The following RPS6KA2 variants were observed in gnomAD, a reference collection of about 807,000 sequenced individuals.
The protein encoded by RPS6KA2 is ribosomal protein S6 kinase alpha-2.
Under a neutral mutation model 91.8 loss-of-function variants are expected in RPS6KA2, and 42 were observed. The observed-to-expected ratio is 0.46, with a 90% confidence interval of 0.36 to 0.59. The LOEUF (loss-of-function observed/expected upper bound fraction) is 0.59. Ranked by LOEUF, RPS6KA2 falls within the 20% of genes least tolerant of loss-of-function variation. RPS6KA2 has a pLI of 0.00. For missense variants in RPS6KA2, 798 were observed against 978.5 expected, an observed-to-expected ratio of 0.82 and a Z score of 2.46; for synonymous variants, 414 against 393.6, an observed-to-expected ratio of 1.05 and a Z score of -0.61.
At chr6:166,466,966 A>G (rs1780553628) in intron 11 of RPS6KA2, among the ~76,000 whole-genome samples, 1 of 151,468 alleles carries the variant, frequency 6.6e-6, no homozygotes, top group Non-Finnish European at 1.5e-5. Context: ...TCCCTTACTC[A>G]TTCATGCACT....
At chr6:166,475,623 G>A (rs1316378372) in intron 10 of RPS6KA2, 2 of 327,532 alleles carry the variant, frequency 6.1e-6, no homozygotes, top group South Asian at 2.7e-5. Context: ...GTCAGTGGCA[G>A]TGCCATCCAC....
chr6:166,764,331 GA>G (rs1049404350), intron 2 of RPS6KA2, among the ~76,000 whole-genome samples: 5 of 152,192 alleles, frequency 3.3e-5, no homozygotes, highest in African/African-American at 1.2e-4. Context: ...GAGGCGGGAG[GA>G]AGAGTGGGAG....
intron 1 of RPS6KA2, among the ~76,000 whole-genome samples, chr6:166,562,017 G>A (rs1583281194): frequency 6.6e-6 from 1 of 152,184 alleles, no homozygotes; most frequent in Non-Finnish European, 1.5e-5. Flanking sequence ...CAGGCGGAGA[G>A]GGAGGCATTG....
intron 2 of RPS6KA2, among the ~76,000 whole-genome samples, chr6:166,700,242 T>C (rs553269584): frequency 3.3e-5 from 5 of 152,224 alleles, no homozygotes; most frequent in Non-Finnish European, 7.3e-5. Context: ...TTCTCAACTA[T>C]AAATGAAAGA....
intron 2 of RPS6KA2, among the ~76,000 whole-genome samples, chr6:166,718,690 T>A (rs1307088370): frequency 1.3e-5 from 2 of 152,190 alleles, no homozygotes; most frequent in African/African-American, 4.8e-5. Context: ...GACGTATCTG[T>A]AAATCTCACC....
chr6:166,678,111 C>T (rs114099635), intron 2 of RPS6KA2, among the ~76,000 whole-genome samples: 318 of 152,290 alleles, frequency 2.1e-3, no homozygotes, highest in African/African-American at 6.9e-3. Flanking sequence ...GTGCTGTGTT[C>T]ATACCAACAG....
intron 2 of RPS6KA2, chr6:166,702,716 C>T (rs879216430): frequency 7.7e-7 from 1 of 1,291,358 alleles, no homozygotes; most frequent in Non-Finnish European, 1.1e-6. Context: ...GGGCAGTCCA[C>T]GAACGCGTAG....
intron 10 of RPS6KA2, among the ~76,000 whole-genome samples, chr6:166,473,602 A>T (rs1006550114): frequency 6.6e-6 from 1 of 152,234 alleles, no homozygotes; most frequent in Non-Finnish European, 1.5e-5. Flanking sequence ...GTGATTCCCA[A>T]AGGGTTTTGG....
intron 2 of RPS6KA2, among the ~76,000 whole-genome samples, chr6:166,738,584 C>T (rs1292754533): frequency 6.6e-6 from 1 of 152,186 alleles, no homozygotes; most frequent in Non-Finnish European, 1.5e-5. Flanking sequence ...GCGTGTGTAA[C>T]TGTCTTACTA....
rs16899551 is a variant in RPS6KA2 at position 166,821,382 on chromosome 6, C to T, written c.123+36818G>A. On this transcript the variant is annotated intron_variant, in intron 2 of 21. Coordinates refer to the RPS6KA2 transcript ENST00000503859. This position sits in a 1 kb window ranked among gnomAD's most constrained non-coding sequence, Gnocchi z 4.1. The stretch of plus-strand genomic sequence containing the variant: ...CTTAGCAGCTCAGGCCCTGTGGGTG[C>T]GCTTCACATGCGTGGGGCTGTAGGA... Among the ~76,000 whole-genome samples the T allele has an allele frequency of 0.034, 5,108 of 152,114 alleles. 296 individuals carry two copies. The highest frequency in any genetic ancestry group is 0.12 in the African/African-American group (4,809 of 41,464).
chr6:166,851,147 G>A (rs545818318), intron 2 of RPS6KA2, among the ~76,000 whole-genome samples: 6 of 152,344 alleles, frequency 3.9e-5, no homozygotes, highest in African/African-American at 1.4e-4. Context: ...CCAGGGCTGA[G>A]GGAGGGTGCA....
rs186581903 is a variant in RPS6KA2 at position 166,440,430 on chromosome 6, C to T, written c.1333-7940G>A. 7 of 152,310 alleles carry T rather than the reference C, an allele frequency of 4.6e-5. No individual in the cohort carries two copies. In the East Asian group the frequency reaches 1.2e-3, roughly 25 times the overall value. The allele number at this position is 152,310 out of a possible 1,614,324, so 9.4% of individuals were successfully genotyped here. A position where few individuals can be genotyped will look rare whatever the true frequency, so the allele number is the denominator to read the frequency against. ...AAGCAAAAGTGCAGCTCGCTGCCAGCGCTCATTTGATTTTACATAAACATG... is the reference window on the plus strand; with the variant it reads ...AAGCAAAAGTGCAGCTCGCTGCCAGTGCTCATTTGATTTTACATAAACATG... On this transcript the variant is annotated intron_variant, in intron 14 of 20. Coordinates refer to ENST00000265678, the MANE Select transcript of RPS6KA2 (RefSeq NM_021135.6).
intron 5 of RPS6KA2, among the ~76,000 whole-genome samples, chr6:166,507,202 G>A (rs993089384): frequency 6.6e-5 from 10 of 152,050 alleles, no homozygotes; most frequent in Admixed American, 3.9e-4. Context: ...TTTCCCAGCC[G>A]CTCCTACCCA....
chr6:166,681,161 C>T (rs567309791), intron 2 of RPS6KA2, among the ~76,000 whole-genome samples: 1 of 152,178 alleles, frequency 6.6e-6, no homozygotes, highest in African/African-American at 2.4e-5. Context: ...GTGTCCACCC[C>T]ACTGCGTTTA....
At chr6:166,430,397 G>C in intron 16 of RPS6KA2, 56 bp downstream of exon 16, 1 of 1,521,026 alleles carries the variant, frequency 6.6e-7, no homozygotes. Context: ...TTGTGGTTTT[G>C]GTTCCTGCCC....
Position 166,451,124 on chromosome 6 carries a change from G to A in RPS6KA2, c.1185C>T (p.Val395=), listed in dbSNP as rs775537136. The A allele has an allele frequency of 1.1e-5, 18 of 1,614,122 alleles. No individual in the cohort carries two copies. The South Asian group carries it at 1.8e-4, about 16-fold the overall frequency. ...TTACCTGCACGATTGGGTGAACTGG[G>A]ACTTTGTGCAGATCTTGCTGTGAGG... The part of the protein sequence containing the change: ...QEPSQQDLHK[V]PVHPIVQQLH... Residue 395 remains valine (V), a synonymous_variant, in exon 13 of 21, where the codon GTC becomes GTT. Transcript: ENST00000265678.
intron 4 of RPS6KA2, among the ~76,000 whole-genome samples, chr6:166,509,069 C>A (rs1782370252): frequency 6.6e-6 from 1 of 152,182 alleles, no homozygotes; most frequent in Non-Finnish European, 1.5e-5. Flanking sequence ...AATATCCCTG[C>A]ATACTAGAAA....
chr6:166,439,615 C>T (rs1299247560), intron 14 of RPS6KA2, among the ~76,000 whole-genome samples: 1 of 152,188 alleles, frequency 6.6e-6, no homozygotes, highest in Non-Finnish European at 1.5e-5. Flanking sequence ...AGACAGTGAA[C>T]AACCCATGCA....
intron 2 of RPS6KA2, among the ~76,000 whole-genome samples, chr6:166,689,166 G>A (rs6934174): frequency 2.0e-3 from 299 of 152,330 alleles, no homozygotes; most frequent in African/African-American, 6.1e-3. Flanking sequence ...CAAAGCCCTC[G>A]CTTTCTCAGT....
Sources: allele counts gnomAD v4.1 joint callset (sites outside exome capture counted in the v4.1 genomes callset), GRCh38; gene constraint gnomAD v4.1.1; non-coding constraint Gnocchi (gnomAD v3.1); transcripts MANE v1.5; gene names NCBI Gene and HGNC (gene_info 2026-07-23, HGNC 2026-07-21).